Variants in IL1RAPL1 observed in about 807,000 individuals in gnomAD.
IL1RAPL1 encodes the protein interleukin-1 receptor accessory protein-like 1.
Under a neutral mutation model 48.4 loss-of-function variants are expected in IL1RAPL1, and 3 were observed. The ratio of observed to expected loss-of-function variants is 0.06; its 90% CI spans 0.03 to 0.16. The LOEUF (loss-of-function observed/expected upper bound fraction) is 0.16, where lower values mean the gene tolerates loss of function less well. Among genes scored for constraint, IL1RAPL1 ranks in the 10% least tolerant of loss-of-function variants. The probability of loss-of-function intolerance (pLI) is 1.00; values close to 1 mark genes in which losing one functional copy is unlikely to be tolerated. For missense variants in IL1RAPL1, 349 were observed against 530.6 expected (o/e 0.66, Z 3.36); for synonymous variants, 185 against 187.7 (o/e 0.99, Z 0.12).
chrX:29,342,139 TGTGTGTGTGTGTGTG>T (rs1413616892), intron 3 of IL1RAPL1, among the ~76,000 whole-genome samples: 11 of 99,895 alleles, frequency 1.1e-4, no homozygotes, highest in African/African-American at 4.2e-4. Context: ...TGTGTGTGTG[TGTGTGTGTGTGTGTG>T]TTTGTTTTGT....
chrX:29,640,080 A>G (rs1051781769), intron 5 of IL1RAPL1, among the ~76,000 whole-genome samples: 1 of 112,066 alleles, frequency 8.9e-6, no homozygotes, highest in Non-Finnish European at 1.9e-5. Context: ...TCATGCTACA[A>G]GATAACACAC....
At chrX:28,600,512 G>T (rs1466570556) in intron 1 of IL1RAPL1, among the ~76,000 whole-genome samples, 1 of 107,472 alleles carries the variant, frequency 9.3e-6, no homozygotes, top group Non-Finnish European at 1.9e-5. Flanking sequence ...GGGGGTGGGG[G>T]TCAAGGAAGG....
chrX:29,102,880 T>C (rs1179823903), intron 2 of IL1RAPL1, among the ~76,000 whole-genome samples: 1 of 111,089 alleles, frequency 9.0e-6, no homozygotes, highest in Non-Finnish European at 1.9e-5. Context: ...CCATTTACAA[T>C]AGCTACAAAT....
chrX:28,629,455 A>T (rs1271899716), intron 1 of IL1RAPL1, among the ~76,000 whole-genome samples: 2 of 112,111 alleles, frequency 1.8e-5, no homozygotes, highest in Non-Finnish European at 3.8e-5. Flanking sequence ...TCTTCATGAA[A>T]GACATGATCT....
At position 29,560,602 on chromosome X, in the gene IL1RAPL1, A is replaced by G. The variant is rs369748369; in HGVS notation, c.704-107828A>G. Among the ~76,000 whole-genome samples, 9 of 111,771 alleles carry G rather than the reference A, an allele frequency of 8.1e-5. No individual in the cohort carries two copies. In the East Asian group the frequency reaches 2.0e-3, roughly 24 times the overall value. ...TTCTCCTCTGACTGTGTAATTTCAA[A>G]TAATCTTTCTTAAGTTCTTATATAT... On this transcript the variant is annotated intron_variant, in intron 5 of 10. Coordinates refer to ENST00000378993, the MANE Select transcript of IL1RAPL1 (RefSeq NM_014271.4).
chrX:29,923,763 C>T (rs145359050), intron 8 of IL1RAPL1, among the ~76,000 whole-genome samples: 3 of 111,665 alleles, frequency 2.7e-5, no homozygotes, highest in Non-Finnish European at 3.8e-5. Flanking sequence ...CCTATTCTCT[C>T]CATTTTTTAC....
chrX:29,538,847 A>C (rs1233877588), intron 5 of IL1RAPL1, among the ~76,000 whole-genome samples: 3 of 111,409 alleles, frequency 2.7e-5, no homozygotes, highest in Non-Finnish European at 3.8e-5. Context: ...GGCAAGATAT[A>C]GGTCACTCGG....
chrX:28,969,866 T>TATATATATGTTTCTAAACAC (rs1569210401), intron 2 of IL1RAPL1, among the ~76,000 whole-genome samples: 1 of 71,512 alleles, frequency 1.4e-5, no homozygotes, highest in African/African-American at 6.2e-5. Flanking sequence ...TCTAAACACA[T>TATATATATGTTTCTAAACAC]ATATATATGT....
chrX:29,231,375 C>T lies in IL1RAPL1; in HGVS notation c.83-51563C>T, dbSNP rs547448420. 3.6e-5 allele frequency among the ~76,000 whole-genome samples: 4 copies of T among 111,669 alleles called. No homozygotes were observed. In the South Asian group the frequency reaches 1.5e-3, roughly 42 times the overall value. On this transcript the variant is annotated intron_variant, in intron 2 of 10. Transcript: ENST00000378993. ...TAAAAAGCACCCACCCCGCTGAGTT[C>T]GCTGAAGCTTGTATATTGGTTTTAG...
intron 5 of IL1RAPL1, among the ~76,000 whole-genome samples, chrX:29,504,273 G>C (rs758440842): frequency 1.8e-5 from 2 of 111,652 alleles, no homozygotes; most frequent in South Asian, 7.4e-4. Context: ...CCTGGCTACT[G>C]TTTCATGCAC....
At chrX:29,929,000 A>G (rs1277865933) in intron 8 of IL1RAPL1, among the ~76,000 whole-genome samples, 1 of 111,621 alleles carries the variant, frequency 9.0e-6, no homozygotes, top group Non-Finnish European at 1.9e-5. Flanking sequence ...ATCTTTTTGT[A>G]TCTAATTTTA....
chrX:29,199,218 C>A (rs900463566), intron 2 of IL1RAPL1, among the ~76,000 whole-genome samples: 1 of 111,107 alleles, frequency 9.0e-6, no homozygotes, highest in Non-Finnish European at 1.9e-5. Context: ...GTATAAATAA[C>A]GTTACACAAA....
At chrX:29,656,314 G>A (rs1409051099) in intron 5 of IL1RAPL1, among the ~76,000 whole-genome samples, 1 of 111,354 alleles carries the variant, frequency 9.0e-6, no homozygotes, top group African/African-American at 3.3e-5. Flanking sequence ...GTGGTGTTTG[G>A]TTACATGGGT....
At chrX:29,413,355 CT>C (rs938498854) in intron 5 of IL1RAPL1, among the ~76,000 whole-genome samples, 44 of 111,077 alleles carry the variant, frequency 4.0e-4, no homozygotes, top group African/African-American at 8.2e-4. Flanking sequence ...TATTTATAAT[CT>C]TTTTTTTATT....
intron 5 of IL1RAPL1, among the ~76,000 whole-genome samples, chrX:29,629,904 G>A (rs6526912): frequency 0.46 from 50,950 of 110,638 alleles, 9,070 homozygotes; most frequent in African/African-American, 0.66. Context: ...ACTGGAACCC[G>A]TTCAATGCTG....
intron 6 of IL1RAPL1, among the ~76,000 whole-genome samples, chrX:29,840,251 CA>C (rs1173892259): frequency 8.9e-6 from 1 of 111,734 alleles, no homozygotes. Flanking sequence ...GACGGATGTT[CA>C]CATCTTTAAT....
intron 2 of IL1RAPL1, among the ~76,000 whole-genome samples, chrX:29,081,025 T>TCTCTCTCTC (rs56240244): frequency 4.3e-4 from 19 of 44,601 alleles, no homozygotes; most frequent in African/African-American, 6.9e-4. Context: ...TCTCTCTTTC[T>TCTCTCTCTC]TTTCTTTTCT....
chrX:28,949,914 C>CTTT (rs947991827), intron 2 of IL1RAPL1, among the ~76,000 whole-genome samples: 18 of 110,147 alleles, frequency 1.6e-4, no homozygotes, highest in African/African-American at 5.9e-4. Flanking sequence ...ATGGTAGTTT[C>CTTT]TTTTGCTGTG....
At chrX:29,275,532 A>G (rs1270484903) in intron 2 of IL1RAPL1, among the ~76,000 whole-genome samples, 2 of 111,980 alleles carry the variant, frequency 1.8e-5, no homozygotes, top group African/African-American at 6.5e-5. Context: ...AACGAAGCAC[A>G]TTTTTAATTT....
Sources: gnomAD v4.1 joint callset for allele counts (sites outside exome capture counted in the v4.1 genomes callset) on GRCh38, gnomAD v4.1.1 for gene constraint, MANE v1.5 for transcripts, NCBI Gene and HGNC (gene_info 2026-07-23, HGNC 2026-07-21) for gene names.